The following NAV2 variants were observed in gnomAD, a reference collection of about 807,000 sequenced individuals.
The protein encoded by NAV2 is helicase, APC down-regulated 1.
Under a neutral mutation model 223.2 loss-of-function variants are expected in NAV2, and 54 were observed. That is an observed-to-expected ratio of 0.24 (90% CI 0.19 to 0.30). The LOEUF is 0.30. Among genes scored for constraint, NAV2 ranks in the 10% least tolerant of loss-of-function variants. The probability of loss-of-function intolerance (pLI) is 1.00; values close to 1 mark genes in which losing one functional copy is unlikely to be tolerated. For synonymous variants in NAV2, 1,279 were observed against 1,239.3 expected (o/e 1.03, Z -0.67); for missense variants, 2,806 against 3,147.5 (o/e 0.89, Z 2.60).
chr11:19,942,925 T>C (rs1484263962), intron 8 of NAV2, among the ~76,000 whole-genome samples: 2 of 152,168 alleles, frequency 1.3e-5, no homozygotes, highest in Non-Finnish European at 2.9e-5. Flanking sequence ...TGAGGCTGCA[T>C]TGAGCTGTGA....
intron 1 of NAV2, among the ~76,000 whole-genome samples, chr11:19,825,787 C>G (rs1328425938): frequency 6.6e-6 from 1 of 152,146 alleles, no homozygotes; most frequent in Non-Finnish European, 1.5e-5. Context: ...ATTGATCTGT[C>G]AAAATGTTCT....
At position 19,933,019 on chromosome 11, in the gene NAV2, A is replaced by G. The variant is rs1179973523; in HGVS notation, c.932-157A>G. Reference sequence around the variant, plus strand: ...GAAAGCAGGAGGAAGTCAAGCCAGAAATTAAAACCTAACCACAGATAATCC... The same window carrying G: ...GAAAGCAGGAGGAAGTCAAGCCAGAGATTAAAACCTAACCACAGATAATCC... On this transcript the variant is annotated intron_variant, in intron 6 of 37. Transcript: ENST00000349880. The surrounding 1 kb of genome is among the most constrained non-coding windows in gnomAD (Gnocchi z 4.3). Among the ~76,000 whole-genome samples the G allele has an allele frequency of 6.6e-6, 1 of 152,220 alleles. No homozygotes were observed. Among genetic ancestry groups the G allele is most frequent in the Non-Finnish European group, 1.5e-5 (1 of 68,034 alleles).
intron 1 of NAV2, among the ~76,000 whole-genome samples, chr11:19,686,029 CT>C (rs2049014317): frequency 6.6e-6 from 1 of 152,062 alleles, no homozygotes; most frequent in African/African-American, 2.4e-5. Context: ...TCACACTCAC[CT>C]CTTCTCACAC....
At chr11:19,396,856 A>G (rs770256158) in intron 1 of NAV2, among the ~76,000 whole-genome samples, 4 of 152,232 alleles carry the variant, frequency 2.6e-5, no homozygotes, top group East Asian at 1.9e-4. Context: ...CCAAAAATAC[A>G]TGCTACCAGG....
In NAV2 at chr11:20,045,548, G is replaced by A. The variant is rs1238237145; in HGVS notation, c.3780G>A (p.Glu1260=). The change falls in exon 14 of 38, where the codon GAG becomes GAA. Residue 1260 remains glutamate (E), a synonymous_variant. Transcript: ENST00000349880. ...AGAAAGGCATCTCATCAGACAACGA[G>A]AGTGTGGCTTCCTGTAACTCGGTGA... ...DKEKGISSDN[E]SVASCNSVKV... is the part of the protein sequence containing the mutation. 3 of 1,614,056 alleles carry A rather than the reference G, an allele frequency of 1.9e-6. No homozygotes were observed. The highest frequency in any genetic ancestry group is 2.5e-6 in the Non-Finnish European group (3 of 1,180,046).
intron 1 of NAV2, among the ~76,000 whole-genome samples, chr11:19,780,085 G>A (rs1210315382): frequency 6.6e-6 from 1 of 152,182 alleles, no homozygotes; most frequent in Non-Finnish European, 1.5e-5. Context: ...AAGGCTAATT[G>A]GATCAAAAAT....
chr11:19,992,192 T>C (rs898783715), intron 11 of NAV2, among the ~76,000 whole-genome samples: 3 of 152,242 alleles, frequency 2.0e-5, no homozygotes, highest in Admixed American at 1.3e-4. Flanking sequence ...TAGAGGCAAA[T>C]GCCTGTTTCC....
At chr11:19,947,654 A>G (rs1402564689) in intron 9 of NAV2, among the ~76,000 whole-genome samples, 1 of 152,190 alleles carries the variant, frequency 6.6e-6, no homozygotes, top group East Asian at 1.9e-4. Context: ...GGTGCACACG[A>G]TAGTCTTGAC....
intron 1 of NAV2, among the ~76,000 whole-genome samples, chr11:19,559,605 G>GAGGAAAGGAA (rs1326596095): frequency 6.6e-6 from 1 of 152,174 alleles, no homozygotes; most frequent in East Asian, 1.9e-4. Context: ...TGGCACTAGG[G>GAGGAAAGGAA]TGGCTGAGGG....
chr11:20,078,909 C>T lies in NAV2; in HGVS notation c.5179+805C>T, dbSNP rs548152179. ...GCTAGGATTTATGGAATACTTACTA[C>T]GTTCTAAGGGCAGTGCTAAGTGTTT... On this transcript the variant is annotated intron_variant, in intron 24 of 37. Transcript: ENST00000349880. 5.3e-5 allele frequency among the ~76,000 whole-genome samples: 8 copies of T among 152,298 alleles called. No homozygotes were observed. The East Asian group carries it at 7.7e-4, about 15-fold the overall frequency.
At chr11:19,375,636 TGGCTCGG>T (rs1401429957) in intron 1 of NAV2, among the ~76,000 whole-genome samples, 1 of 152,232 alleles carries the variant, frequency 6.6e-6, no homozygotes, top group Non-Finnish European at 1.5e-5. Context: ...CTGGATGCTG[TGGCTCGG>T]ATGGACCTAA....
intron 11 of NAV2, among the ~76,000 whole-genome samples, chr11:20,010,779 C>T (rs1258900123): frequency 6.6e-6 from 1 of 152,212 alleles, no homozygotes; most frequent in Non-Finnish European, 1.5e-5. Flanking sequence ...GTCTTCCAGG[C>T]AGCTGCTCTT....
chr11:19,583,658 C>A (rs1442527832), intron 1 of NAV2, among the ~76,000 whole-genome samples: 2 of 152,162 alleles, frequency 1.3e-5, no homozygotes, highest in African/African-American at 4.8e-5. Flanking sequence ...GTCGTTGGTT[C>A]TGTTTATATG....
Position 19,933,314 on chromosome 11 carries a change from C to A in NAV2, c.1070C>A (p.Pro357His), listed in dbSNP as rs756795892. The change falls in exon 7 of 38, where the codon CCT (proline) becomes CAT (histidine). Residue 357 changes from proline (P) to histidine (H), a missense_variant. Physicochemically the swap from Pro to His is moderately conservative, Grantham distance 77. This residue lies in a region of NAV2 where 1,167 missense variants were observed against 1,180.5 expected (regional missense o/e 0.99). Transcript: ENST00000349880. This position sits in a 1 kb window ranked among gnomAD's most constrained non-coding sequence, Gnocchi z 4.3. Reference protein sequence around the residue: ...AIPQPGAATKPWRSKSLSVKH... With the variant: ...AIPQPGAATKHWRSKSLSVKH... ...CCGCAGCCCGGTGCAGCCACCAAGC[C>A]TTGGCGCAGCAAATCCCTCAGCGTG... 6.2e-7 allele frequency: 1 copy of A among 1,613,494 alleles called. No homozygotes were observed. Among genetic ancestry groups the A allele is most frequent in the Non-Finnish European group, 8.5e-7 (1 of 1,179,700 alleles).
chr11:19,667,951 C>T (rs747040757), intron 1 of NAV2, among the ~76,000 whole-genome samples: 51 of 152,176 alleles, frequency 3.4e-4, no homozygotes, highest in African/African-American at 4.6e-4. Context: ...TTAGCACTCT[C>T]GTCCACTGCC....
intron 1 of NAV2, among the ~76,000 whole-genome samples, chr11:19,578,019 T>C (rs2045616278): frequency 6.6e-6 from 1 of 152,192 alleles, no homozygotes; most frequent in Non-Finnish European, 1.5e-5. Flanking sequence ...ATTTTCTGCT[T>C]CCAAACACAC....
At position 19,754,496 on chromosome 11, in the gene NAV2, G is replaced by A. The variant is rs564611700; in HGVS notation, c.267+40534G>A. 5.9e-5 allele frequency among the ~76,000 whole-genome samples: 9 copies of A among 152,300 alleles called. No individual in the cohort carries two copies. The South Asian group carries it at 1.9e-3, about 32-fold the overall frequency. On this transcript the variant is annotated intron_variant, in intron 1 of 37. Transcript: ENST00000349880. ...CAAGCCTAGGCAGGAGCAAGGCATG[G>A]TCAGGAAGGTGAGGGCTGAGGCTGA...
At chr11:19,785,660 A>T (rs1208400231) in intron 1 of NAV2, among the ~76,000 whole-genome samples, 35 of 120,564 alleles carry the variant, frequency 2.9e-4, no homozygotes, top group Admixed American at 1.3e-3. Context: ...TTTTTTTTTT[A>T]AAGCACTAAT....
chr11:19,347,748 A>G (rs1214659821), upstream of NAV2, among the ~76,000 whole-genome samples: 1 of 152,186 alleles, frequency 6.6e-6, no homozygotes, highest in Non-Finnish European at 1.5e-5. Context: ...TCCAGCACGC[A>G]TGTTCATTTC....
Sources: gnomAD v4.1 joint callset for allele counts (sites outside exome capture counted in the v4.1 genomes callset) on GRCh38, gnomAD v4.1.1 for gene constraint, gnomAD v4.1.1 regional missense constraint, Gnocchi (gnomAD v3.1) non-coding constraint, MANE v1.5 for transcripts, NCBI Gene and HGNC (gene_info 2026-07-23, HGNC 2026-07-21) for gene names.